HDGFL2: variants seen among roughly 807,000 people sequenced by gnomAD.
HDGFL2 encodes HDGF like 2.
In HDGFL2, 36 loss-of-function variants were observed where a neutral mutation model predicts 77.1. The ratio of observed to expected loss-of-function variants is 0.47; its 90% CI spans 0.36 to 0.62. HDGFL2 has a LOEUF of 0.62. Ranked by LOEUF, HDGFL2 falls within the 20% of genes least tolerant of loss-of-function variation. The probability of loss-of-function intolerance (pLI) is 0.00; values close to 1 mark genes in which losing one functional copy is unlikely to be tolerated. For synonymous variants in HDGFL2, 463 were observed against 413.1 expected (o/e 1.12, Z -1.46); for missense variants, 976 against 973.4 (o/e 1.00, Z -0.04).
intron 15 of HDGFL2, 116 bp downstream of exon 15, chr19:4,501,433 G>A (rs759048170): frequency 1.8e-4 from 232 of 1,260,682 alleles, no homozygotes; most frequent in Non-Finnish European, 2.2e-4. Flanking sequence ...CAGGGATGTC[G>A]TCCTTACTCG....
At position 4,494,448 on chromosome 19, in the gene HDGFL2, C is replaced by T. The variant is rs754091866; in HGVS notation, c.1197C>T (p.Ser399=). 2.0e-5 allele frequency: 28 copies of T among 1,397,944 alleles called. No individual in the cohort carries two copies. The highest frequency in any genetic ancestry group is 1.7e-4 in the Admixed American group (5 of 28,682). The allele number at this position is 1,397,944 out of a possible 1,614,324, so 86.6% of individuals were successfully genotyped here. A position where few individuals can be genotyped will look rare whatever the true frequency, so the allele number is the denominator to read the frequency against. Residue 399 remains serine, a synonymous_variant, in exon 9 of 16, where the codon TCC becomes TCT. Coordinates refer to ENST00000616600, the MANE Select transcript of HDGFL2 (RefSeq NM_001001520.3). Reference sequence around the variant, plus strand: ...GGGGTCCCCCGTCCTCCTCTGACTCCGAGCCCGAGGCCGAGCTGGAGAGAG... The same window carrying T: ...GGGGTCCCCCGTCCTCCTCTGACTCTGAGCCCGAGGCCGAGCTGGAGAGAG... ...RGRGPPSSSD[S]EPEAELEREA...
At position 4,494,401 on chromosome 19, in the gene HDGFL2, C is replaced by T. The variant is rs1026442246; in HGVS notation, c.1150C>T (p.Arg384Trp). 8 of 1,402,068 alleles carry T rather than the reference C, an allele frequency of 5.7e-6. No individual in the cohort carries two copies. Among genetic ancestry groups the T allele is most frequent in the East Asian group, 3.0e-5 (1 of 33,878 alleles). The allele number at this position is 1,402,068 out of a possible 1,614,324, so 86.9% of individuals were successfully genotyped here. A position where few individuals can be genotyped will look rare whatever the true frequency, so the allele number is the denominator to read the frequency against. The change falls in exon 9 of 16, where the codon CGG (arginine) becomes TGG (tryptophan). Residue 384 changes from arginine (R) to tryptophan (W), a missense_variant. By Grantham distance (101) the Arg-to-Trp change is moderately radical (BLOSUM62 -3). Around this residue, in one of 5 missense-constraint regions of HDGFL2, gnomAD observed 567 missense variants for 534.7 expected, o/e 1.06. Transcript: ENST00000616600. The stretch of plus-strand genomic sequence containing the variant: ...GGAGGACGATGAGCCCGTCAAGAAG[C>T]GGGGACGCAAGGGCCGGGGCCGGGG... ...LREDDEPVKK[R>W]GRKGRGRGPP...
Position 4,475,561 on chromosome 19 carries a change from A to G in HDGFL2, c.266A>G (p.His89Arg). ...EGLWEIQNNPHASYSAPPPVS... is the reference protein window; with the variant it reads ...EGLWEIQNNPRASYSAPPPVS... ...CTGTGGGAGATCCAGAACAACCCCC[A>G]CGCCAGCTACAGCGCCCCTCCGGTG... Residue 89 changes from histidine to arginine, a missense_variant, in exon 3 of 16, where the codon CAC becomes CGC. This residue lies in a region of HDGFL2 where 103 missense variants were observed against 145.7 expected (regional missense o/e 0.71). Transcript: ENST00000616600. The G allele has an allele frequency of 6.3e-7, 1 of 1,583,452 alleles. No individual in the cohort carries two copies. The highest frequency in any genetic ancestry group is 8.5e-7 in the Non-Finnish European group (1 of 1,171,224).
Position 4,499,752 on chromosome 19 carries a change from A to G in HDGFL2, c.1789+48A>G, listed in dbSNP as rs2145219112. ...CCTGTACCTCAGTCTCCTCAGCTGA[A>G]GAAACAGATGCTTTGCAGAACATTC... On this transcript the variant is annotated intron_variant, in intron 14 of 15. Coordinates refer to ENST00000616600, the MANE Select transcript of HDGFL2 (RefSeq NM_001001520.3). 4 of 1,371,994 alleles carry G rather than the reference A, an allele frequency of 2.9e-6. No individual in the cohort carries two copies. The African/African-American group carries it at 4.3e-5, about 15-fold the overall frequency. The allele number at this position is 1,371,994 out of a possible 1,614,324, so 85.0% of individuals were successfully genotyped here.
intron 6 of HDGFL2, 62 bp downstream of exon 6, chr19:4,491,897 G>T: frequency 1.4e-6 from 2 of 1,469,108 alleles, no homozygotes; most frequent in South Asian, 1.1e-5. Flanking sequence ...GGTCTCCAGT[G>T]CTGTCCCCAG....
intron 3 of HDGFL2, among the ~76,000 whole-genome samples, chr19:4,482,354 C>T (rs182820380): frequency 5.9e-5 from 9 of 152,100 alleles, no homozygotes; most frequent in Admixed American, 3.3e-4. Context: ...GGACTACAGG[C>T]GCACATCACC....
intron 6 of HDGFL2, among the ~76,000 whole-genome samples, chr19:4,493,117 C>CTG (rs769660659): frequency 0.13 from 9,700 of 76,492 alleles, 467 homozygotes; most frequent in African/African-American, 0.19. Flanking sequence ...TGTGTGTTGT[C>CTG]TGTGTGTGGT....
chr19:4,494,604 G>C, intron 9 of HDGFL2, 129 bp downstream of exon 9: 1 of 648,818 alleles, frequency 1.5e-6, no homozygotes, highest in Non-Finnish European at 2.2e-6. Flanking sequence ...AGAAACTCCT[G>C]CCCTGGAGGA....
chr19:4,500,278 C>CT (rs957604290), intron 14 of HDGFL2, among the ~76,000 whole-genome samples: 8 of 151,892 alleles, frequency 5.3e-5, no homozygotes, highest in Non-Finnish European at 7.4e-5. Flanking sequence ...AGGCTAGTGT[C>CT]TTTTTTTTCT....
At chr19:4,484,387 TTTA>T (rs1380087502) in intron 3 of HDGFL2, among the ~76,000 whole-genome samples, 7 of 152,142 alleles carry the variant, frequency 4.6e-5, no homozygotes, top group South Asian at 2.1e-4. Context: ...CCCGGCCTGT[TTTA>T]TTATTATTTT....
In HDGFL2 at chr19:4,492,269, G is replaced by A. The variant is rs111229362; in HGVS notation, c.678+434G>A. Among the ~76,000 whole-genome samples, 1,101 of 152,116 alleles carry A rather than the reference G, an allele frequency of 7.2e-3. 14 individuals are homozygous for A. Among genetic ancestry groups the A allele is most frequent in the Middle Eastern group, 0.031 (9 of 294 alleles). ...TGTATGCATGTTTGTGACCATGTAG[G>A]TGTGTATGTGTGCAGTGTGTGTGTA... is the stretch of plus-strand genomic sequence containing the variant. On this transcript the variant is annotated intron_variant, in intron 6 of 15. Transcript: ENST00000616600.
intron 13 of HDGFL2, 97 bp from the exon 14 acceptor site, chr19:4,499,394 G>T: frequency 9.6e-7 from 1 of 1,042,826 alleles, no homozygotes; most frequent in Non-Finnish European, 1.4e-6. Context: ...CTCCCGGGAG[G>T]GGCTGCGGGA....
intron 9 of HDGFL2, 72 bp from the exon 10 acceptor site, chr19:4,496,230 A>T: frequency 8.2e-7 from 1 of 1,223,968 alleles, no homozygotes; most frequent in Non-Finnish European, 1.2e-6. Context: ...ATCTCCTGGT[A>T]GTGGGATGGG....
In HDGFL2 at chr19:4,493,783, G is replaced by T; in HGVS notation, c.759G>T (p.Ser253=). 6.5e-7 allele frequency: 1 copy of T among 1,544,026 alleles called. No individual in the cohort carries two copies. Among genetic ancestry groups the T allele is most frequent in the Non-Finnish European group, 8.8e-7 (1 of 1,141,840 alleles). ...CTGAGCCGGTGGCCATGGCGCGGTC[G>T]GCGTCCTCCTCCTCCTCTTCCTCCT... ...AKPEPVAMAR[S]ASSSSSSSSS... Residue 253 remains serine (S), a synonymous_variant, in exon 7 of 16, where the codon TCG becomes TCT. Transcript: ENST00000616600.
chr19:4,476,574 G>A (rs1325862762), intron 3 of HDGFL2, among the ~76,000 whole-genome samples: 1 of 150,568 alleles, frequency 6.6e-6, no homozygotes, highest in East Asian at 1.9e-4. Flanking sequence ...TTTCTTTTGA[G>A]AAGAGCCCCC....
rs1254202409 is a variant in HDGFL2 at position 4,494,067 on chromosome 19, G to A, written c.914+10G>A. ...GCTCCAGCAGTGACAGGTGGGTGCT[G>A]GGGCTGGGGTCCCCTCTGGCGGCTC... On this transcript the variant is annotated intron_variant, in intron 8 of 15. Coordinates refer to ENST00000616600, the MANE Select transcript of HDGFL2 (RefSeq NM_001001520.3). 3 of 1,594,888 alleles carry A rather than the reference G, an allele frequency of 1.9e-6. No homozygotes were observed. The Admixed American group carries it at 5.2e-5, about 28-fold the overall frequency.
In HDGFL2 at chr19:4,501,187, C is replaced by G. The variant is rs764981114; in HGVS notation, c.1790-4C>G. ...GTGTCCTGTGACCCCTCTGTCCCAC[C>G]CAGATCTCTCAGCCCCAGTGAATGG... is the stretch of plus-strand genomic sequence containing the variant. On this transcript the variant is annotated splice_region_variant and splice_polypyrimidine_tract_variant and intron_variant, in intron 14 of 15. Coordinates refer to ENST00000616600, the MANE Select transcript of HDGFL2 (RefSeq NM_001001520.3). 1.2e-6 allele frequency: 2 copies of G among 1,613,084 alleles called. No homozygotes were observed. The highest frequency in any genetic ancestry group is 2.2e-5 in the East Asian group (1 of 44,890).
intron 3 of HDGFL2, 100 bp downstream of exon 3, chr19:4,475,683 C>T (rs1271661203): frequency 7.3e-7 from 1 of 1,376,918 alleles, no homozygotes; most frequent in Non-Finnish European, 9.6e-7. Flanking sequence ...ACACATGGGG[C>T]TCGATCGTTC....
At chr19:4,496,748 C>T (rs1478733541) in intron 10 of HDGFL2, among the ~76,000 whole-genome samples, 1 of 151,914 alleles carries the variant, frequency 6.6e-6, no homozygotes, top group Non-Finnish European at 1.5e-5. Context: ...ATGACCCATC[C>T]CAGAGAACAG....
Sources: allele counts gnomAD v4.1 joint callset (sites outside exome capture counted in the v4.1 genomes callset), GRCh38; gene constraint gnomAD v4.1.1; regional missense constraint gnomAD v4.1.1; transcripts MANE v1.5; gene names NCBI Gene and HGNC (gene_info 2026-07-23, HGNC 2026-07-21).